Variants in PLGRKT observed in about 807,000 individuals in gnomAD.
PLGRKT encodes the protein plasminogen receptor (KT).
PLGRKT carries 22 observed loss-of-function variants against 18.5 expected under a neutral mutation model. That is an observed-to-expected ratio of 1.19 (90% confidence interval 0.85 to 1.70). The LOEUF is 1.70. Ranked by LOEUF, PLGRKT falls within the 40% of genes most tolerant of loss-of-function variation. The pLI is 0.00. For missense variants in PLGRKT, 235 were observed against 174.4 expected, an observed-to-expected ratio of 1.35 and a Z score of -1.96; for synonymous variants, 72 against 52.8, an observed-to-expected ratio of 1.36 and a Z score of -1.58.
intron 3 of PLGRKT, among the ~76,000 whole-genome samples, chr9:5,428,329 G>A (rs944095333): frequency 6.6e-6 from 1 of 152,162 alleles, no homozygotes; most frequent in African/African-American, 2.4e-5. Context: ...GAAGTATGCT[G>A]GGGAACTTCA....
intron 3 of PLGRKT, among the ~76,000 whole-genome samples, chr9:5,399,043 C>G (rs1322366198): frequency 6.6e-6 from 1 of 151,356 alleles, no homozygotes; most frequent in Non-Finnish European, 1.5e-5. Flanking sequence ...AGCAAGGTAA[C>G]CTTTATTCAC....
At chr9:5,436,227 G>T (rs975096722) in intron 2 of PLGRKT, among the ~76,000 whole-genome samples, 3 of 152,316 alleles carry the variant, frequency 2.0e-5, no homozygotes, top group African/African-American at 7.2e-5. Context: ...TTAGGAGCGA[G>T]ATATTATCCA....
intron 3 of PLGRKT, among the ~76,000 whole-genome samples, chr9:5,390,360 T>A (rs990196197): frequency 6.6e-6 from 1 of 151,702 alleles, no homozygotes; most frequent in Non-Finnish European, 1.5e-5. Flanking sequence ...GGTAGCCTCA[T>A]GCTGGACCAG....
chr9:5,418,295 C>T lies in PLGRKT; in HGVS notation c.81+13602G>A. 2.0e-6 allele frequency: 1 copy of T among 510,438 alleles called. No homozygotes were observed. Among genetic ancestry groups the T allele is most frequent in the East Asian group, 3.9e-5 (1 of 25,386 alleles). 31.6% of individuals were successfully genotyped at this position (510,438 alleles called of 1,614,324 possible). A position where few individuals can be genotyped will look rare whatever the true frequency, so the allele number is the denominator to read the frequency against. ...ATGGTCAGTGTCGCCCCCTCATCTT[C>T]TCACTGGGATCTCATCACCAATGTG... On this transcript the variant is annotated intron_variant, in intron 3 of 5. Transcript: ENST00000223864. This position sits in a 1 kb window ranked among gnomAD's most constrained non-coding sequence, Gnocchi z 4.2.
At chr9:5,390,151 A>C (rs957675442) in intron 3 of PLGRKT, among the ~76,000 whole-genome samples, 2 of 151,606 alleles carry the variant, frequency 1.3e-5, no homozygotes, top group African/African-American at 4.9e-5. Context: ...TTTTGCTTAA[A>C]ATACCAGCAA....
At chr9:5,399,969 G>A (rs143060118) in intron 3 of PLGRKT, among the ~76,000 whole-genome samples, 9,944 of 151,654 alleles carry the variant, frequency 0.066, 510 homozygotes, top group South Asian at 0.16. Context: ...CAGTCTGGGC[G>A]ACAGAGTGAG....
intron 3 of PLGRKT, among the ~76,000 whole-genome samples, chr9:5,430,410 G>A (rs1270754602): frequency 2.6e-5 from 4 of 152,166 alleles, no homozygotes; most frequent in Non-Finnish European, 5.9e-5. Flanking sequence ...TAATTCAGTT[G>A]TCCATTCTTT....
intron 2 of PLGRKT, among the ~76,000 whole-genome samples, chr9:5,435,976 T>G (rs1818951781): frequency 1.3e-5 from 2 of 151,998 alleles, no homozygotes; most frequent in Admixed American, 1.3e-4. Context: ...TGTGCCAGAG[T>G]CAGCTTCAAA....
intron 3 of PLGRKT, among the ~76,000 whole-genome samples, chr9:5,364,962 A>G (rs1464589220): frequency 6.6e-6 from 1 of 152,230 alleles, no homozygotes; most frequent in African/African-American, 2.4e-5. Context: ...AGATATGCAT[A>G]TCTATATGCA....
At chr9:5,388,460 A>C (rs1397353730) in intron 3 of PLGRKT, among the ~76,000 whole-genome samples, 1 of 152,028 alleles carries the variant, frequency 6.6e-6, no homozygotes, top group African/African-American at 2.4e-5. Context: ...ATGATACATA[A>C]AAATCTATAT....
chr9:5,406,733 C>T (rs1818265381), intron 3 of PLGRKT, among the ~76,000 whole-genome samples: 1 of 152,078 alleles, frequency 6.6e-6, no homozygotes, highest in Non-Finnish European at 1.5e-5. Flanking sequence ...TAACAAAATG[C>T]ACATCCTACA....
intron 3 of PLGRKT, among the ~76,000 whole-genome samples, chr9:5,388,267 T>C (rs1196083563): frequency 2.0e-5 from 3 of 151,740 alleles, no homozygotes; most frequent in Admixed American, 1.3e-4. Flanking sequence ...GCTGCAAGTG[T>C]GGTTTCCCAG....
intron 3 of PLGRKT, among the ~76,000 whole-genome samples, chr9:5,411,159 G>A (rs986209935): frequency 5.9e-5 from 9 of 152,024 alleles, no homozygotes; most frequent in Admixed American, 5.9e-4. Context: ...CGAGGCAGGT[G>A]GACCACCTGA....
chr9:5,399,500 T>C (rs939443972), intron 3 of PLGRKT, among the ~76,000 whole-genome samples: 10 of 151,782 alleles, frequency 6.6e-5, no homozygotes, highest in African/African-American at 2.4e-4. Context: ...TCCTTGCAAG[T>C]GACAGTTAGT....
chr9:5,363,807 C>G (rs965624952), intron 3 of PLGRKT, among the ~76,000 whole-genome samples: 11 of 152,044 alleles, frequency 7.2e-5, no homozygotes, highest in Admixed American at 6.5e-4. Flanking sequence ...CCCAAAGAAC[C>G]GAGTTTTAAA....
intron 3 of PLGRKT, among the ~76,000 whole-genome samples, chr9:5,400,235 G>A (rs1296184294): frequency 2.6e-5 from 4 of 151,716 alleles, no homozygotes; most frequent in Middle Eastern, 3.2e-3. Context: ...GGAAAATTAC[G>A]CATAATCCCC....
At chr9:5,407,356 A>G (rs575862412) in intron 3 of PLGRKT, among the ~76,000 whole-genome samples, 1 of 152,306 alleles carries the variant, frequency 6.6e-6, no homozygotes, top group South Asian at 2.1e-4. Context: ...ACACAAAGAA[A>G]ACACCAAATT....
intron 2 of PLGRKT, among the ~76,000 whole-genome samples, chr9:5,435,100 A>T (rs1457428578): frequency 6.6e-6 from 1 of 151,842 alleles, no homozygotes; most frequent in Non-Finnish European, 1.5e-5. Context: ...GTGCTTTGTT[A>T]AACAGATGCT....
intron 3 of PLGRKT, among the ~76,000 whole-genome samples, chr9:5,368,573 G>T (rs1193457248): frequency 6.6e-6 from 1 of 152,098 alleles, no homozygotes; most frequent in Non-Finnish European, 1.5e-5. Context: ...AGACACCAAG[G>T]ACTACTAGAA....
Sources: allele counts gnomAD v4.1 joint callset (sites outside exome capture counted in the v4.1 genomes callset), GRCh38; gene constraint gnomAD v4.1.1; non-coding constraint Gnocchi (gnomAD v3.1); transcripts MANE v1.5; gene names NCBI Gene and HGNC (gene_info 2026-07-23, HGNC 2026-07-21).